SDR16C5: variants seen among roughly 807,000 people sequenced by gnomAD.
The protein encoded by SDR16C5 is epidermal retinol dehydrogenase 2.
SDR16C5 carries 20 observed loss-of-function variants against 27.7 expected under a neutral mutation model. That is an observed-to-expected ratio of 0.72 (90% CI 0.51 to 1.05). The LOEUF (loss-of-function observed/expected upper bound fraction) is 1.05. SDR16C5 is among the 50% of genes least tolerant of loss of function. The pLI is 0.00. For synonymous variants in SDR16C5, 139 were observed against 132.3 expected (o/e 1.05, Z -0.35); for missense variants, 374 against 366.3 (o/e 1.02, Z -0.17).
At chr8:56,314,781 C>T (rs968385602) in intron 2 of SDR16C5, among the ~76,000 whole-genome samples, 4 of 152,182 alleles carry the variant, frequency 2.6e-5, no homozygotes, top group Non-Finnish European at 5.9e-5. Flanking sequence ...CAAACCTTAG[C>T]AAGGAAATCC....
intron 1 of SDR16C5, among the ~76,000 whole-genome samples, chr8:56,317,273 C>T (rs1815223634): frequency 6.6e-6 from 1 of 152,080 alleles, no homozygotes; most frequent in South Asian, 2.1e-4. Flanking sequence ...CATAGTGCTG[C>T]CCACCAAGAA....
Position 56,316,009 on chromosome 8 carries a change from A to C in SDR16C5, c.333+6T>G, listed in dbSNP as rs1440675375. On this transcript the variant is annotated splice_donor_region_variant and intron_variant, in intron 2 of 6. Transcript: ENST00000303749. ...CAAATTATAATAGTAAACACACAAGAGTTACCTGGTCGGCTACTCTATACA... is the reference window on the plus strand; with the variant it reads ...CAAATTATAATAGTAAACACACAAGCGTTACCTGGTCGGCTACTCTATACA... 6.3e-7 allele frequency: 1 copy of C among 1,597,360 alleles called. No homozygotes were observed. The highest frequency in any genetic ancestry group is 8.6e-7 in the Non-Finnish European group (1 of 1,165,734).
At chr8:56,319,124 G>GAAA (rs11372550) in intron 1 of SDR16C5, among the ~76,000 whole-genome samples, 18,808 of 134,582 alleles carry the variant, frequency 0.14, 1,445 homozygotes, top group Non-Finnish European at 0.15. Flanking sequence ...GAACAAATTA[G>GAAA]AAAAAAAAAA....
At chr8:56,307,991 A>G (rs1163287252) in intron 4 of SDR16C5, among the ~76,000 whole-genome samples, 5 of 152,194 alleles carry the variant, frequency 3.3e-5, no homozygotes, top group Non-Finnish European at 5.9e-5. Context: ...CAACAGATAT[A>G]TAAGAGGGAG....
intron 1 of SDR16C5, among the ~76,000 whole-genome samples, chr8:56,319,173 T>A (rs371347644): frequency 3.6e-4 from 48 of 132,750 alleles, no homozygotes; most frequent in African/African-American, 1.4e-3. Context: ...CTCTGCGGGG[T>A]GCAAGGGGTT....
intron 3 of SDR16C5, chr8:56,309,257 CTT>C (rs753283346): frequency 1.1e-6 from 1 of 928,146 alleles, no homozygotes; most frequent in Non-Finnish European, 1.3e-6. Context: ...TTTATTCAGA[CTT>C]ATGTTTTTGC....
At chr8:56,309,799 T>C (rs1814977668) in intron 3 of SDR16C5, among the ~76,000 whole-genome samples, 1 of 152,066 alleles carries the variant, frequency 6.6e-6, no homozygotes, top group Non-Finnish European at 1.5e-5. Flanking sequence ...AAGGAAGCAG[T>C]GCAGCAAACA....
chr8:56,310,096 AGAGGAGGAAGGAGGAGGAGAAGGAAG>A (rs1304901825), intron 3 of SDR16C5, among the ~76,000 whole-genome samples: 28 of 130,960 alleles, frequency 2.1e-4, no homozygotes, highest in African/African-American at 7.4e-4. Flanking sequence ...AGAAGGAGGA[AGAGGAGGAAGGAGGAGGAGAAGGAAG>A]GAGGAGGAGG....
At position 56,316,068 on chromosome 8, in the gene SDR16C5, C is replaced by T. The variant is rs371326324; in HGVS notation, c.280G>A (p.Ala94Thr). ...TTTTGGCTGCAATCGCAGGTATAGG[C>T]GTGCACTCTTGTGGCTCCAGCTTCC... The part of the protein sequence containing the change: ...AREAGATRVH[A>T]YTCDCSQKEG... Residue 94 changes from alanine to threonine, a missense_variant, in exon 2 of 7, where the codon GCC becomes ACC. Transcript: ENST00000303749. The T allele has an allele frequency of 2.9e-5, 47 of 1,614,118 alleles. No individual in the cohort carries two copies. The highest frequency in any genetic ancestry group is 1.9e-4 in the African/African-American group (14 of 75,026).
intron 3 of SDR16C5, among the ~76,000 whole-genome samples, chr8:56,310,494 C>T (rs1289123597): frequency 3.3e-5 from 5 of 151,522 alleles, no homozygotes; most frequent in Non-Finnish European, 7.4e-5. Context: ...CTGAGGCGGG[C>T]GGATCACAAG....
intron 1 of SDR16C5, among the ~76,000 whole-genome samples, chr8:56,318,872 C>A (rs1220571372): frequency 1.3e-5 from 2 of 152,088 alleles, no homozygotes; most frequent in Admixed American, 6.6e-5. Flanking sequence ...GGTACCCACA[C>A]AGGCAATGAG....
chr8:56,315,986 A>T, intron 2 of SDR16C5, 29 bp downstream of exon 2: 1 of 1,493,934 alleles, frequency 6.7e-7, no homozygotes, highest in Non-Finnish European at 9.3e-7. Flanking sequence ...ATGTGTATCA[A>T]ATTATAATAG....
At chr8:56,303,946 T>C (rs957957711) in intron 6 of SDR16C5, 2 of 702,460 alleles carry the variant, frequency 2.8e-6, no homozygotes, top group African/African-American at 1.7e-5. Context: ...ACCTGGAGAA[T>C]AAAGGGCACG....
chr8:56,313,526 C>T (rs1815101340), intron 2 of SDR16C5, among the ~76,000 whole-genome samples: 2 of 152,172 alleles, frequency 1.3e-5, no homozygotes, highest in African/African-American at 4.8e-5. Flanking sequence ...TGTTACTATA[C>T]TGAACACTGT....
At chr8:56,308,474 C>A (rs1372094304) in intron 4 of SDR16C5, among the ~76,000 whole-genome samples, 2 of 152,204 alleles carry the variant, frequency 1.3e-5, no homozygotes, top group Non-Finnish European at 2.9e-5. Context: ...TGCAGGTCTT[C>A]AACCAGTGGA....
At chr8:56,306,653 T>G in intron 5 of SDR16C5, 23 bp downstream of exon 5, 1 of 1,556,246 alleles carries the variant, frequency 6.4e-7, no homozygotes, top group South Asian at 1.2e-5. Flanking sequence ...TGTAGATTCT[T>G]TGAAATTAAA....
chr8:56,303,198 C>T (rs1196691609), intron 6 of SDR16C5, among the ~76,000 whole-genome samples: 1 of 151,554 alleles, frequency 6.6e-6, no homozygotes, highest in Non-Finnish European at 1.5e-5. Flanking sequence ...CCTGTAATCC[C>T]AGCTACTCGA....
chr8:56,311,337 TC>T (rs1239108276), intron 3 of SDR16C5, among the ~76,000 whole-genome samples: 1 of 151,940 alleles, frequency 6.6e-6, no homozygotes, highest in Non-Finnish European at 1.5e-5. Flanking sequence ...ATCGCTTGAA[TC>T]CGGGAGGTTG....
Position 56,304,471 on chromosome 8 carries a change from C to T in SDR16C5, c.836+1126G>A, listed in dbSNP as rs369760274. ...CTTGTAAGTGGGTCAAATGTTCATT[C>T]AGTGCCTATGAATTTCAGCACTGAA... On this transcript the variant is annotated intron_variant, in intron 6 of 6. Transcript: ENST00000303749. Among the ~76,000 whole-genome samples the T allele has an allele frequency of 4.6e-5, 7 of 151,946 alleles. No homozygotes were observed. The East Asian group carries it at 7.7e-4, about 17-fold the overall frequency.
Sources: allele counts gnomAD v4.1 joint callset (sites outside exome capture counted in the v4.1 genomes callset), GRCh38; gene constraint gnomAD v4.1.1; transcripts MANE v1.5; gene names NCBI Gene and HGNC (gene_info 2026-07-23, HGNC 2026-07-21).